COL22A1: variants seen among roughly 807,000 people sequenced by gnomAD.
COL22A1 encodes the protein collagen alpha-1(XXII) chain.
A neutral mutation model predicts 248.9 loss-of-function variants in COL22A1; 221 were observed. The ratio of observed to expected loss-of-function variants is 0.89; its 90% confidence interval spans 0.80 to 0.99. The LOEUF is 0.99. COL22A1 is among the 50% of genes least tolerant of loss of function. The pLI, the probability that COL22A1 is intolerant of heterozygous loss-of-function variation, is 0.00. For missense variants in COL22A1, 2,240 were observed against 2,179.0 expected (o/e 1.03, Z -0.56); for synonymous variants, 891 against 793.4 (o/e 1.12, Z -2.07).
At chr8:138,625,482 G>T (rs1820163439) in intron 51 of COL22A1, among the ~76,000 whole-genome samples, 6 of 152,142 alleles carry the variant, frequency 3.9e-5, no homozygotes, top group Admixed American at 3.9e-4. Flanking sequence ...CTTTGTGGAG[G>T]AATTTATTAC....
In COL22A1 at chr8:138,601,171, C is replaced by T. The variant is rs541361614; in HGVS notation, c.4185+944G>A. On this transcript the variant is annotated intron_variant, in intron 60 of 64. Coordinates refer to ENST00000303045, the MANE Select transcript of COL22A1 (RefSeq NM_152888.3). ...CCCACGGCTGCCTGAGTCGCATTCT[C>T]GGGGGGGAACATCAACGCCTTCTCA... Among the ~76,000 whole-genome samples, 15 of 151,898 alleles carry T rather than the reference C, an allele frequency of 9.9e-5. No homozygotes were observed. In the South Asian group the frequency reaches 2.9e-3, roughly 30 times the overall value.
chr8:138,814,258 A>G (rs539040671), intron 7 of COL22A1, among the ~76,000 whole-genome samples: 8 of 152,234 alleles, frequency 5.3e-5, no homozygotes, highest in African/African-American at 1.2e-4. Flanking sequence ...GCAACGAGCA[A>G]TCTCCCAGTC....
chr8:138,901,360 T>TC (rs1313085305), intron 1 of COL22A1, among the ~76,000 whole-genome samples: 17 of 91,552 alleles, frequency 1.9e-4, no homozygotes, highest in African/African-American at 5.8e-4. Context: ...ACTGGCAGGT[T>TC]TTTTTTTTGT....
At chr8:138,851,030 C>T (rs1821599741) in intron 3 of COL22A1, among the ~76,000 whole-genome samples, 1 of 152,214 alleles carries the variant, frequency 6.6e-6, no homozygotes, top group Non-Finnish European at 1.5e-5. Context: ...CTTGGTGCTC[C>T]CGTGCTAGTG....
intron 62 of COL22A1, 64 bp from the exon 63 acceptor site, chr8:138,594,263 TACTC>T: frequency 7.0e-7 from 1 of 1,438,836 alleles, no homozygotes; most frequent in Non-Finnish European, 9.4e-7. Context: ...ACAGGATGGC[TACTC>T]ACTGACAACT....
At chr8:138,767,274 G>A (rs1308466412) in intron 16 of COL22A1, among the ~76,000 whole-genome samples, 1 of 152,168 alleles carries the variant, frequency 6.6e-6, no homozygotes, top group Non-Finnish European at 1.5e-5. Context: ...GTAGGGGAAA[G>A]AAAGACAAAG....
At chr8:138,812,909 C>T in intron 8 of COL22A1, 30 bp downstream of exon 8, 1 of 1,555,180 alleles carries the variant, frequency 6.4e-7, no homozygotes, top group East Asian at 2.2e-5. Flanking sequence ...CCCATTTCCT[C>T]CCATCCTCTC....
At chr8:138,767,553 G>A (rs999321077) in intron 16 of COL22A1, among the ~76,000 whole-genome samples, 1 of 152,198 alleles carries the variant, frequency 6.6e-6, no homozygotes, top group Admixed American at 6.5e-5. Context: ...GAATCAATAG[G>A]AAAGTGTAAG....
intron 10 of COL22A1, 62 bp downstream of exon 10, chr8:138,807,706 T>G: frequency 6.6e-7 from 1 of 1,503,892 alleles, no homozygotes; most frequent in South Asian, 1.2e-5. Flanking sequence ...TTGTCTTATA[T>G]AGACAGCAAA....
intron 11 of COL22A1, among the ~76,000 whole-genome samples, chr8:138,799,080 ATT>A (rs1189882182): frequency 6.6e-6 from 1 of 152,164 alleles, no homozygotes; most frequent in African/African-American, 2.4e-5. Context: ...ATCTTCAAGA[ATT>A]CTGATCTTTC....
At chr8:138,796,778 C>T (rs376258988) in intron 12 of COL22A1, 41 bp downstream of exon 12, 19 of 1,408,642 alleles carry the variant, frequency 1.3e-5, no homozygotes, top group Non-Finnish European at 1.8e-5. Context: ...AGTCCTCTGT[C>T]CCATTCCCTT....
At chr8:138,771,163 T>C (rs897049605) in intron 16 of COL22A1, among the ~76,000 whole-genome samples, 2 of 152,294 alleles carry the variant, frequency 1.3e-5, no homozygotes, top group East Asian at 3.9e-4. Flanking sequence ...CTGCAGGGAC[T>C]CAGAGGCTGA....
intron 5 of COL22A1, among the ~76,000 whole-genome samples, chr8:138,830,169 G>A (rs980725596): frequency 1.3e-5 from 2 of 152,190 alleles, no homozygotes; most frequent in Admixed American, 6.5e-5. Context: ...GAGGACCTGA[G>A]TTTGAGGCCA....
At chr8:138,594,230 G>T in intron 62 of COL22A1, 31 bp from the exon 63 acceptor site, 2 of 1,553,690 alleles carry the variant, frequency 1.3e-6, no homozygotes, top group Non-Finnish European at 1.7e-6. Flanking sequence ...GGCATTTCAT[G>T]AAGAACAGAT....
intron 22 of COL22A1, among the ~76,000 whole-genome samples, chr8:138,744,995 A>G (rs185711939): frequency 5.9e-4 from 90 of 152,300 alleles, no homozygotes; most frequent in African/African-American, 1.9e-3. Flanking sequence ...CAGATGAACC[A>G]AAGAGGTTGT....
chr8:138,875,696 C>T (rs1406171466), intron 3 of COL22A1, among the ~76,000 whole-genome samples: 1 of 152,128 alleles, frequency 6.6e-6, no homozygotes, highest in East Asian at 1.9e-4. Flanking sequence ...CTCCTCTTTC[C>T]CCACCTAACC....
At chr8:138,768,000 C>G (rs1444594354) in intron 16 of COL22A1, among the ~76,000 whole-genome samples, 1 of 152,170 alleles carries the variant, frequency 6.6e-6, no homozygotes, top group Non-Finnish European at 1.5e-5. Flanking sequence ...CGGCTGCAGC[C>G]CCTTCGTGCC....
intron 9 of COL22A1, among the ~76,000 whole-genome samples, chr8:138,809,528 C>CTTTTTTCTTTTTTTTTTTTTTTTTTT (rs1818017301): frequency 8.5e-6 from 1 of 117,630 alleles, no homozygotes; most frequent in African/African-American, 3.3e-5. Context: ...TTTTCTTTTT[C>CTTTTTTCTTTTTTTTTTTTTTTTTTT]TTTTTTTTTT....
intron 2 of COL22A1, among the ~76,000 whole-genome samples, chr8:138,878,578 CA>C (rs776604707): frequency 2.6e-5 from 4 of 152,176 alleles, no homozygotes; most frequent in Non-Finnish European, 5.9e-5. Flanking sequence ...GACTAACACC[CA>C]CCGCACAGCA....
Sources: gnomAD v4.1 joint callset for allele counts (sites outside exome capture counted in the v4.1 genomes callset) on GRCh38, gnomAD v4.1.1 for gene constraint, MANE v1.5 for transcripts, NCBI Gene and HGNC (gene_info 2026-07-23, HGNC 2026-07-21) for gene names.